CABLES2: variants seen among roughly 807,000 people sequenced by gnomAD.
CABLES2 encodes CDK5 and ABL1 enzyme substrate 2.
Under a neutral mutation model 44.8 loss-of-function variants are expected in CABLES2, and 35 were observed. The ratio of observed to expected loss-of-function variants is 0.78; its 90% CI spans 0.60 to 1.04. CABLES2 has a LOEUF of 1.04. Among genes scored for constraint, CABLES2 ranks in the 50% least tolerant of loss-of-function variants. The pLI is 0.00. For missense variants in CABLES2, 566 were observed against 615.7 expected, an observed-to-expected ratio of 0.92 and a Z score of 0.85; for synonymous variants, 282 against 281.1, an observed-to-expected ratio of 1.00 and a Z score of -0.03.
chr20:62,398,329 GAC>G (rs1988123173), intron 1 of CABLES2, among the ~76,000 whole-genome samples: 1 of 150,506 alleles, frequency 6.6e-6, no homozygotes, highest in African/African-American at 2.4e-5. Flanking sequence ...CAGTGGTGGT[GAC>G]GATGGTGGTG....
At chr20:62,398,048 G>GACA (rs1601475813) in intron 1 of CABLES2, among the ~76,000 whole-genome samples, 4 of 149,638 alleles carry the variant, frequency 2.7e-5, no homozygotes, top group East Asian at 2.0e-4. Flanking sequence ...TGGTGATGGT[G>GACA]GTGATGGCGA....
chr20:62,389,816 G>A lies in CABLES2; in HGVS notation c.*1155C>T, dbSNP rs551020252. 4.7e-4 allele frequency: 72 copies of A among 152,370 alleles called. No individual in the cohort carries two copies. The highest frequency in any genetic ancestry group is 1.6e-3 in the African/African-American group (65 of 41,580). The allele number at this position is 152,370 out of a possible 1,614,324, so 9.4% of individuals were successfully genotyped here. On this transcript the variant is annotated 3_prime_UTR_variant, in exon 10 of 10. Coordinates refer to ENST00000279101, the MANE Select transcript of CABLES2 (RefSeq NM_031215.3). ...TTCAGACAGACGTGGAAAAACTAGA[G>A]ATGGGGCCCTGCTGGCCTGCACAGA... is the stretch of plus-strand genomic sequence containing the variant.
At chr20:62,393,061 G>C in intron 6 of CABLES2, 38 bp from the exon 7 acceptor site, 1 of 1,560,474 alleles carries the variant, frequency 6.4e-7, no homozygotes, top group African/African-American at 1.3e-5. Flanking sequence ...CAGGAGTCTT[G>C]AGCAGTACCC....
chr20:62,394,035 T>C, intron 5 of CABLES2, 122 bp downstream of exon 5: 2 of 794,604 alleles, frequency 2.5e-6, no homozygotes, highest in South Asian at 1.5e-5. Flanking sequence ...ACTCCACCCT[T>C]GCGTTTTACG....
At chr20:62,398,413 T>C (rs149098338) in intron 1 of CABLES2, among the ~76,000 whole-genome samples, 2 of 148,966 alleles carry the variant, frequency 1.3e-5, no homozygotes, top group Non-Finnish European at 3.0e-5. Context: ...GTGTGGTTTA[T>C]TAAATGGAGC....
chr20:62,395,321 G>A (rs889082252), intron 3 of CABLES2, among the ~76,000 whole-genome samples: 1 of 152,212 alleles, frequency 6.6e-6, no homozygotes, highest in Non-Finnish European at 1.5e-5. Context: ...GACCCAGTGC[G>A]GGTAGGGCTG....
In CABLES2 at chr20:62,388,634, T is replaced by A. The variant is rs141736681; in HGVS notation, c.*2337A>T. ...GAAAGGAGACAAGCTGTGAAACATA[T>A]TGCAAAACTGAGGTTTAAAGGACAA... is the stretch of plus-strand genomic sequence containing the variant. On this transcript the variant is annotated 3_prime_UTR_variant, in exon 10 of 10. Transcript: ENST00000279101. The A allele has an allele frequency of 4.6e-6, 3 of 648,048 alleles. No homozygotes were observed. Among genetic ancestry groups the A allele is most frequent in the South Asian group, 1.9e-5 (1 of 53,624 alleles). The allele number at this position is 648,048 out of a possible 1,614,324, so 40.1% of individuals were successfully genotyped here.
chr20:62,407,049 G>C lies in CABLES2; in HGVS notation c.228C>G (p.Ala76=). Reference sequence around the variant, plus strand: ...GCGGCGCTGGCGGTTCGCGGGCCTCGGCGGGCGGCGGCGGGGGCTTCTCTC... The same window carrying C: ...GCGGCGCTGGCGGTTCGCGGGCCTCCGCGGGCGGCGGCGGGGGCTTCTCTC... ...PGGEKPPPPP[A]EAREPPAPPP... The change falls in exon 1 of 10, where the codon GCC becomes GCG. Residue 76 remains alanine (A), a synonymous_variant. Transcript: ENST00000279101. The C allele has an allele frequency of 9.2e-7, 1 of 1,090,954 alleles. No homozygotes were observed. Among genetic ancestry groups the C allele is most frequent in the Non-Finnish European group, 1.1e-6 (1 of 898,606 alleles). 67.6% of individuals were successfully genotyped at this position (1,090,954 alleles called of 1,614,324 possible).
rs1206244522 is a variant in CABLES2 at position 62,390,579 on chromosome 20, T to TGGTGGCTGC, written c.*383_*391dup. ...AACCCAGATCTCCACCCTGACGCTG[T>TGGTGGCTGC]GGTGGCTGCGGTGGTTTGCAGAAGG... is the stretch of plus-strand genomic sequence containing the variant. On this transcript the variant is annotated 3_prime_UTR_variant, in exon 10 of 10. Transcript: ENST00000279101. The TGGTGGCTGC allele has an allele frequency of 2.7e-5, 6 of 218,392 alleles. No homozygotes were observed. The highest frequency in any genetic ancestry group is 1.3e-4 in the African/African-American group (6 of 44,606). 13.5% of individuals were successfully genotyped at this position (218,392 alleles called of 1,614,324 possible).
chr20:62,407,143 C>T lies in CABLES2; in HGVS notation c.134G>A (p.Arg45His). 9.8e-7 allele frequency: 1 copy of T among 1,019,574 alleles called. No homozygotes were observed. The allele number at this position is 1,019,574 out of a possible 1,614,324, so 63.2% of individuals were successfully genotyped here. A position where few individuals can be genotyped will look rare whatever the true frequency, so the allele number is the denominator to read the frequency against. ...ALRRRGDSRR[R>H]QAALFFLNNI... is the part of the protein sequence containing the mutation. ...GTTGAGGAAGAAAAGCGCGGCCTGG[C>T]GGCGCCGCGAGTCCCCGCGCCTCCG... The change falls in exon 1 of 10, where the codon CGC (arginine) becomes CAC (histidine). Residue 45 changes from arginine to histidine, a missense_variant. This residue lies in a region of CABLES2 where 130 missense variants were observed against 79.4 expected (regional missense o/e 1.64). Coordinates refer to ENST00000279101, the MANE Select transcript of CABLES2 (RefSeq NM_031215.3).
At position 62,389,280 on chromosome 20, in the gene CABLES2, G is replaced by A. The variant is rs1206523484; in HGVS notation, c.*1691C>T. 6.6e-6 allele frequency: 1 copy of A among 152,296 alleles called. No homozygotes were observed. The highest frequency in any genetic ancestry group is 1.5e-5 in the Non-Finnish European group (1 of 68,102). The allele number at this position is 152,296 out of a possible 1,614,324, so 9.4% of individuals were successfully genotyped here. A position where few individuals can be genotyped will look rare whatever the true frequency, so the allele number is the denominator to read the frequency against. ...TCTGGGTGCATACTGGGTTCCAGGG[G>A]ATGATCCTTGGCTTGAGGGCAGGCT... On this transcript the variant is annotated 3_prime_UTR_variant, in exon 10 of 10. Transcript: ENST00000279101.
Position 62,407,241 on chromosome 20 carries a change from C to T in CABLES2, c.36G>A (p.Pro12=). The part of the protein sequence containing the change: ...AAAAAGGAPG[P]APGPAGPPPP... ...GCGGGGGCCCGGCGGGGCCGGGGGC[C>T]GGGCCCGGGGCTCCACCGGCCGCGG... is the stretch of plus-strand genomic sequence containing the variant. The change falls in exon 1 of 10, where the codon CCG becomes CCA. Residue 12 remains proline (P), a synonymous_variant. Coordinates refer to ENST00000279101, the MANE Select transcript of CABLES2 (RefSeq NM_031215.3). 1.2e-6 allele frequency: 1 copy of T among 807,126 alleles called. No homozygotes were observed. The highest frequency in any genetic ancestry group is 1.5e-6 in the Non-Finnish European group (1 of 671,010). 50.0% of individuals were successfully genotyped at this position (807,126 alleles called of 1,614,324 possible). A position where few individuals can be genotyped will look rare whatever the true frequency, so the allele number is the denominator to read the frequency against.
rs1729291736 is a variant in CABLES2 at position 62,406,898 on chromosome 20, G to A, written c.362+17C>T. 3.3e-6 allele frequency: 4 copies of A among 1,203,966 alleles called. No homozygotes were observed. Among genetic ancestry groups the A allele is most frequent in the Non-Finnish European group, 4.1e-6 (4 of 966,654 alleles). The allele number at this position is 1,203,966 out of a possible 1,614,324, so 74.6% of individuals were successfully genotyped here. A position where few individuals can be genotyped will look rare whatever the true frequency, so the allele number is the denominator to read the frequency against. ...GTACCCCGCGTCCTGGGCTGACCTG[G>A]CCGGGCCCCCACTCACCTCTGGCGC... On this transcript the variant is annotated intron_variant, in intron 1 of 9. Coordinates refer to ENST00000279101, the MANE Select transcript of CABLES2 (RefSeq NM_031215.3).
At chr20:62,392,829 G>A (rs1334644555) in intron 7 of CABLES2, 91 bp downstream of exon 7, 1 of 1,161,798 alleles carries the variant, frequency 8.6e-7, no homozygotes, top group Non-Finnish European at 1.3e-6. Context: ...TCACGCCCCT[G>A]GGGCAGCTTT....
At chr20:62,401,423 C>T (rs2146427984) in intron 1 of CABLES2, among the ~76,000 whole-genome samples, 1 of 152,328 alleles carries the variant, frequency 6.6e-6, no homozygotes, top group East Asian at 1.9e-4. Context: ...ACGGGACGGG[C>T]ACTGGCAAGT....
At chr20:62,399,193 G>A (rs867616775) in intron 1 of CABLES2, among the ~76,000 whole-genome samples, 49 of 152,072 alleles carry the variant, frequency 3.2e-4, no homozygotes, top group East Asian at 1.5e-3. Flanking sequence ...TAAATGATCC[G>A]CTGGCCTCGG....
intron 1 of CABLES2, among the ~76,000 whole-genome samples, chr20:62,398,183 G>GAT (rs1209519304): frequency 2.7e-4 from 29 of 107,514 alleles, no homozygotes; most frequent in South Asian, 9.3e-4. Flanking sequence ...TGGTGGTGGT[G>GAT]GTGATGGTGA....
At chr20:62,397,988 G>A (rs1180248039) in intron 1 of CABLES2, among the ~76,000 whole-genome samples, 639 of 43,488 alleles carry the variant, frequency 0.015, 17 homozygotes, top group African/African-American at 0.061. Context: ...TGATGGCGGT[G>A]GTGGTGATGA....
chr20:62,394,122 C>T lies in CABLES2; in HGVS notation c.714+35G>A, dbSNP rs186588048. 2.8e-4 allele frequency: 445 copies of T among 1,565,914 alleles called. 1 individual carries two copies. In the African/African-American group the frequency reaches 4.5e-3, roughly 16 times the overall value. ...CTCCCACCCGCCTGCCTGGCCCTGA[C>T]GGCGCTGGGTGTCCACCAGCGAAGA... On this transcript the variant is annotated intron_variant, in intron 5 of 9. Transcript: ENST00000279101.
Sources: gnomAD v4.1 joint callset for allele counts (sites outside exome capture counted in the v4.1 genomes callset) on GRCh38, gnomAD v4.1.1 for gene constraint, gnomAD v4.1.1 regional missense constraint, MANE v1.5 for transcripts, NCBI Gene and HGNC (gene_info 2026-07-23, HGNC 2026-07-21) for gene names.